Variants in PTPRD observed in about 807,000 individuals in gnomAD.
PTPRD encodes protein tyrosine phosphatase receptor type D.
PTPRD carries 34 observed loss-of-function variants against 214.5 expected under a neutral mutation model. The observed-to-expected ratio is 0.16, with a 90% CI of 0.12 to 0.21. The LOEUF (loss-of-function observed/expected upper bound fraction) is 0.21. PTPRD is among the 10% of genes least tolerant of loss of function. The pLI, the probability that PTPRD is intolerant of heterozygous loss-of-function variation, is 1.00. For synonymous variants in PTPRD, 1,128 were observed against 845.7 expected (o/e 1.33, Z -5.79); for missense variants, 2,545 against 2,398.7 (o/e 1.06, Z -1.27).
At chr9:8,754,349 C>A (rs2093796371) in intron 11 of PTPRD, among the ~76,000 whole-genome samples, 1 of 152,132 alleles carries the variant, frequency 6.6e-6, no homozygotes, top group African/African-American at 2.4e-5. Flanking sequence ...CTACCAGTTA[C>A]CAAGACTTAT....
At chr9:9,569,990 T>C (rs1027853509) in intron 8 of PTPRD, among the ~76,000 whole-genome samples, 1 of 151,450 alleles carries the variant, frequency 6.6e-6, no homozygotes, top group Non-Finnish European at 1.5e-5. Context: ...CAGTTGAAAG[T>C]GCTCATCAGA....
intron 2 of PTPRD, among the ~76,000 whole-genome samples, chr9:10,432,059 G>T (rs2098685051): frequency 6.6e-6 from 1 of 151,870 alleles, no homozygotes; most frequent in South Asian, 2.1e-4. Flanking sequence ...TGACAGACTG[G>T]ATTAAGAAAA....
chr9:8,715,086 C>G (rs532515919), intron 12 of PTPRD, among the ~76,000 whole-genome samples: 18 of 151,748 alleles, frequency 1.2e-4, no homozygotes, highest in African/African-American at 4.1e-4. Context: ...CTTCCAAGAC[C>G]TGAACAATAT....
In PTPRD at chr9:8,319,949, GTTC is replaced by G. The variant is rs774939733; in HGVS notation, c.5549_5551del (p.Arg1850del). On this transcript the variant is annotated inframe_deletion, in exon 45 of 46. Coordinates refer to ENST00000381196, the MANE Select transcript of PTPRD (RefSeq NM_002839.4). The stretch of plus-strand genomic sequence containing the variant: ...AATGCTTAGCGTTATGAAGACTCCA[GTTC>G]TTCCAACGCCCGCGCTGCCACAATA... 2 of 1,612,274 alleles carry G rather than the reference GTTC, an allele frequency of 1.2e-6. No homozygotes were observed. The highest frequency in any genetic ancestry group is 2.2e-5 in the South Asian group (2 of 90,900).
intron 14 of PTPRD, among the ~76,000 whole-genome samples, chr9:8,535,069 T>G (rs543644485): frequency 6.6e-6 from 1 of 151,926 alleles, no homozygotes; most frequent in East Asian, 1.9e-4. Flanking sequence ...ATTAGCTTCT[T>G]TGAAAGTAAT....
At chr9:10,083,248 T>C (rs1177532583) in intron 3 of PTPRD, among the ~76,000 whole-genome samples, 5 of 152,026 alleles carry the variant, frequency 3.3e-5, no homozygotes, top group Non-Finnish European at 7.4e-5. Context: ...CAGTAATAGC[T>C]TGTCTTTTTA....
chr9:10,601,369 T>C lies in PTPRD; in HGVS notation c.-600+11029A>G, dbSNP rs896944299. On this transcript the variant is annotated intron_variant, in intron 2 of 45. Transcript: ENST00000381196. ...TCATTTTTATGGTAGGCCCCTACTG[T>C]GCTAAATGTGGAGGCTACCATAAAT... Among the ~76,000 whole-genome samples, 8 of 151,824 alleles carry C rather than the reference T, an allele frequency of 5.3e-5. No homozygotes were observed. The East Asian group carries it at 1.6e-3, about 30-fold the overall frequency.
At chr9:10,108,854 C>T (rs537721912) in intron 3 of PTPRD, among the ~76,000 whole-genome samples, 1 of 127,832 alleles carries the variant, frequency 7.8e-6, no homozygotes, top group South Asian at 3.1e-4. Context: ...TGAATTAAGT[C>T]AGGCACGTAA....
intron 4 of PTPRD, among the ~76,000 whole-genome samples, chr9:9,960,873 A>C (rs1275389950): frequency 6.6e-6 from 1 of 152,298 alleles, no homozygotes; most frequent in Middle Eastern, 3.4e-3. Flanking sequence ...GTGAACAGGC[A>C]ACCTACAGAA....
chr9:9,959,894 T>G (rs1277026259), intron 4 of PTPRD, among the ~76,000 whole-genome samples: 2 of 152,172 alleles, frequency 1.3e-5, no homozygotes. Flanking sequence ...TAGCATAATA[T>G]ATAGATGTTT....
At chr9:9,883,067 C>G (rs77811443) in intron 5 of PTPRD, among the ~76,000 whole-genome samples, 2,715 of 152,248 alleles carry the variant, frequency 0.018, 80 homozygotes, top group African/African-American at 0.062. Flanking sequence ...GTACAGCCTT[C>G]AGAACTATGA....
rs184083201 is a variant in PTPRD at position 10,559,026 on chromosome 9, C to T, written c.-600+53372G>A. 4.0e-3 allele frequency among the ~76,000 whole-genome samples: 604 copies of T among 152,100 alleles called. 5 individuals carry two copies. Among genetic ancestry groups the T allele is most frequent in the African/African-American group, 0.014 (565 of 41,510 alleles). ...ATTTTGTTGGGGAGGTTTCCACATC[C>T]GGAGGCTTGGAGACAAGGTTAAGTA... On this transcript the variant is annotated intron_variant, in intron 2 of 45. Transcript: ENST00000381196.
At chr9:8,720,047 G>A (rs768676128) in intron 12 of PTPRD, among the ~76,000 whole-genome samples, 43 of 152,232 alleles carry the variant, frequency 2.8e-4, no homozygotes, top group Non-Finnish European at 4.9e-4. Flanking sequence ...AATGGCTTAA[G>A]GCAAAGATTT....
chr9:9,750,662 G>A (rs12378564), intron 6 of PTPRD, among the ~76,000 whole-genome samples: 33,278 of 152,012 alleles, frequency 0.22, 4,555 homozygotes, highest in South Asian at 0.29. Flanking sequence ...TTCTTCTGCA[G>A]CTTACCCTTT....
At chr9:9,506,364 A>G (rs1256927874) in intron 8 of PTPRD, among the ~76,000 whole-genome samples, 2 of 151,424 alleles carry the variant, frequency 1.3e-5, no homozygotes, top group African/African-American at 2.4e-5. Flanking sequence ...AGCTGATTAT[A>G]TAGCTAAAAA....
intron 7 of PTPRD, among the ~76,000 whole-genome samples, chr9:9,677,115 G>C (rs1323466305): frequency 6.6e-6 from 1 of 152,072 alleles, no homozygotes; most frequent in East Asian, 1.9e-4. Flanking sequence ...TTGATGTGCA[G>C]AAGCTCTTTA....
intron 12 of PTPRD, among the ~76,000 whole-genome samples, chr9:8,692,676 T>C (rs1057514311): frequency 6.6e-6 from 1 of 152,210 alleles, no homozygotes; most frequent in African/African-American, 2.4e-5. Context: ...CGTGAAATAC[T>C]TTTAAAATTG....
intron 10 of PTPRD, among the ~76,000 whole-genome samples, chr9:9,161,323 A>G (rs1055572447): frequency 5.3e-5 from 8 of 152,144 alleles, no homozygotes; most frequent in Non-Finnish European, 1.2e-4. Context: ...TGATTTGTCA[A>G]TTGAAAGTAA....
At chr9:9,830,780 A>T (rs1418651247) in intron 5 of PTPRD, among the ~76,000 whole-genome samples, 1 of 151,960 alleles carries the variant, frequency 6.6e-6, no homozygotes. Context: ...CAGACTTTCA[A>T]GGCAGGTCCT....
Sources: gnomAD v4.1 joint callset for allele counts (sites outside exome capture counted in the v4.1 genomes callset) on GRCh38, gnomAD v4.1.1 for gene constraint, MANE v1.5 for transcripts, NCBI Gene and HGNC (gene_info 2026-07-23, HGNC 2026-07-21) for gene names.